Variants in CUL4B observed in about 807,000 individuals in gnomAD.
The protein encoded by CUL4B is cullin-4B.
A neutral mutation model predicts 69.2 loss-of-function variants in CUL4B; 1 was observed. That is an observed-to-expected ratio of 0.01 (90% confidence interval 0.01 to 0.07). The LOEUF is 0.07. Among genes scored for constraint, CUL4B ranks in the 10% least tolerant of loss-of-function variants. The pLI is 1.00. For missense variants in CUL4B, 328 were observed against 638.8 expected, an observed-to-expected ratio of 0.51 and a Z score of 5.24; for synonymous variants, 237 against 223.2, an observed-to-expected ratio of 1.06 and a Z score of -0.55.
Position 120,560,662 on chromosome X carries a change from G to A in CUL4B, c.-24C>T, listed in dbSNP as rs1649597807. On this transcript the variant is annotated 5_prime_UTR_variant, in exon 1 of 20. Coordinates refer to ENST00000371322, the MANE Select transcript of CUL4B (RefSeq NM_001079872.2). ...ATGAAAATAGCGGGGTCAACAGGCA[G>A]AGGAGCATCAAAAACCTACGTTTAT... 8.4e-7 allele frequency: 1 copy of A among 1,197,322 alleles called. No individual in the cohort carries two copies. Among genetic ancestry groups the A allele is most frequent in the Non-Finnish European group, 1.1e-6 (1 of 893,994 alleles).
rs1923920036 is a variant in CUL4B at position 120,540,412 on chromosome X, T to C, written c.1594A>G (p.Thr532Ala). 8.3e-7 allele frequency: 1 copy of C among 1,210,177 alleles called. No individual in the cohort carries two copies. The highest frequency in any genetic ancestry group is 1.1e-6 in the Non-Finnish European group (1 of 894,109). ...FINAMKEAFE[T>A]FINKRPNKPA... Reference sequence around the variant, plus strand: ...TTATTTGGTCTTTTGTTAATGAACGTTTCAAATGCTTCTTTCATGGCATTG... The same window carrying C: ...TTATTTGGTCTTTTGTTAATGAACGCTTCAAATGCTTCTTTCATGGCATTG... The change falls in exon 11 of 20, where the codon ACG becomes GCG. Residue 532 changes from threonine to alanine, a missense_variant. Thr to Ala is a moderately conservative substitution (Grantham distance 58). Coordinates refer to ENST00000371322, the MANE Select transcript of CUL4B (RefSeq NM_001079872.2).
chrX:120,530,870 C>T (rs186122841), intron 18 of CUL4B, among the ~76,000 whole-genome samples: 9 of 112,117 alleles, frequency 8.0e-5, no homozygotes, highest in African/African-American at 2.9e-4. Flanking sequence ...AGTAATTAAA[C>T]CAAAAAAACA....
intron 2 of CUL4B, among the ~76,000 whole-genome samples, chrX:120,555,556 T>C (rs926795383): frequency 1.8e-5 from 2 of 110,878 alleles, no homozygotes; most frequent in Admixed American, 1.9e-4. Flanking sequence ...GAACTAGAAA[T>C]CCAGCATCTC....
chrX:120,536,683 G>C (rs1432117985), intron 15 of CUL4B, among the ~76,000 whole-genome samples: 1 of 111,451 alleles, frequency 9.0e-6, no homozygotes, highest in South Asian at 3.7e-4. Flanking sequence ...GTGTTGGTGC[G>C]CTTACTGACA....
At chrX:120,540,617 A>G (rs1417192078) in intron 10 of CUL4B, 55 bp from the exon 11 acceptor site, 1 of 840,025 alleles carries the variant, frequency 1.2e-6, no homozygotes, top group African/African-American at 2.0e-5. Flanking sequence ...CAATGAAAAC[A>G]ATCCCCAAAT....
At chrX:120,549,251 C>T (rs1331574585) in intron 2 of CUL4B, among the ~76,000 whole-genome samples, 2 of 112,055 alleles carry the variant, frequency 1.8e-5, no homozygotes, top group African/African-American at 6.5e-5. Context: ...GTAAATAAAT[C>T]AGCAAATGAA....
intron 18 of CUL4B, among the ~76,000 whole-genome samples, chrX:120,530,486 A>C (rs931958124): frequency 8.9e-6 from 1 of 112,470 alleles, no homozygotes; most frequent in African/African-American, 3.2e-5. Context: ...TAGTTAATAG[A>C]AAAACATCAT....
Position 120,544,216 on chromosome X carries a change from C to G in CUL4B, c.1084-13G>C, listed in dbSNP as rs1465000506. 9 of 1,085,247 alleles carry G rather than the reference C, an allele frequency of 8.3e-6. No individual in the cohort carries two copies. Among genetic ancestry groups the G allele is most frequent in the Non-Finnish European group, 1.0e-5 (8 of 782,555 alleles). 89.4% of individuals were successfully genotyped at this position (1,085,247 alleles called of 1,213,427 possible). A position where few individuals can be genotyped will look rare whatever the true frequency, so the allele number is the denominator to read the frequency against. On this transcript the variant is annotated splice_polypyrimidine_tract_variant and intron_variant, in intron 6 of 19. Coordinates refer to ENST00000371322, the MANE Select transcript of CUL4B (RefSeq NM_001079872.2). ...AATCTTGATAAATCTGGAGGGGGAA[C>G]AAAATGAAGGAGATCATTTATTTAG...
rs184244822 is a variant in CUL4B at position 120,557,917 on chromosome X, T to C, written c.672+7A>G. On this transcript the variant is annotated splice_region_variant and intron_variant, in intron 2 of 19. Transcript: ENST00000371322. The stretch of plus-strand genomic sequence containing the variant: ...AATCAAATCTGGTTATGCATATTAA[T>C]ACATACCTGGTAGAGTTCTTCTAAA... The C allele has an allele frequency of 1.8e-5, 20 of 1,097,742 alleles. No individual in the cohort carries two copies. Among genetic ancestry groups the C allele is most frequent in the East Asian group, 6.0e-5 (2 of 33,213 alleles). 90.5% of individuals were successfully genotyped at this position (1,097,742 alleles called of 1,213,427 possible). A position where few individuals can be genotyped will look rare whatever the true frequency, so the allele number is the denominator to read the frequency against.
chrX:120,556,029 C>T (rs921907517), intron 2 of CUL4B, among the ~76,000 whole-genome samples: 13 of 108,187 alleles, frequency 1.2e-4, no homozygotes, highest in African/African-American at 2.7e-4. Context: ...TGAGATAATA[C>T]GAGATGAATC....
upstream of CUL4B, among the ~76,000 whole-genome samples, chrX:120,566,023 C>T (rs1373897702): frequency 3.7e-5 from 4 of 108,741 alleles, no homozygotes; most frequent in Admixed American, 1.0e-4. Flanking sequence ...CCACCGCGCC[C>T]GGCCCAGGCA....
chrX:120,555,343 T>C (rs951048313), intron 2 of CUL4B, among the ~76,000 whole-genome samples: 2 of 112,321 alleles, frequency 1.8e-5, no homozygotes, highest in African/African-American at 6.5e-5. Flanking sequence ...AAATTAAATA[T>C]GCTGTATACC....
At position 120,537,005 on chromosome X, in the gene CUL4B, A is replaced by G. The variant is rs3747434; in HGVS notation, c.1968T>C (p.Asn656=). 2.5e-6 allele frequency: 3 copies of G among 1,201,515 alleles called. No homozygotes were observed. In the East Asian group the frequency reaches 8.9e-5, roughly 36 times the overall value. ...TCAGGATATTCACAGTTAACTCAATATTTCCCGGAACATTCTGATTCTGCA... is the reference window on the plus strand; with the variant it reads ...TCAGGATATTCACAGTTAACTCAATGTTTCCCGGAACATTCTGATTCTGCA... ...QYMQNQNVPG[N]IELTVNILTM... The change falls in exon 15 of 20, where the codon AAT becomes AAC. Residue 656 remains asparagine, a synonymous_variant. Transcript: ENST00000371322.
At chrX:120,561,323 C>T (rs756183673), upstream of CUL4B, 62 of 556,837 alleles carry the variant, frequency 1.1e-4, no homozygotes, top group African/African-American at 1.3e-3. Context: ...GGAACTCCCA[C>T]TCCCTCCTTA....
At chrX:120,562,648 C>A (rs1327813312), upstream of CUL4B, among the ~76,000 whole-genome samples, 2 of 111,801 alleles carry the variant, frequency 1.8e-5, no homozygotes, top group East Asian at 5.6e-4. Flanking sequence ...TATGCTGTGT[C>A]TCAAAGTGGG....
intron 18 of CUL4B, 59 bp downstream of exon 18, chrX:120,532,363 T>C: frequency 1.1e-6 from 1 of 930,194 alleles, no homozygotes; most frequent in Admixed American, 2.3e-5. Flanking sequence ...TTTATATATT[T>C]TGATTATTAA....
chrX:120,543,347 G>A (rs970045612), intron 8 of CUL4B, among the ~76,000 whole-genome samples: 9 of 111,314 alleles, frequency 8.1e-5, no homozygotes. Flanking sequence ...TATTAGGAAG[G>A]TAAAGAAGTA....
intron 2 of CUL4B, among the ~76,000 whole-genome samples, chrX:120,548,169 G>A (rs1307515012): frequency 2.7e-5 from 3 of 111,300 alleles, no homozygotes; most frequent in Non-Finnish European, 5.6e-5. Context: ...AGCTATTTAG[G>A]AGGCTGAGGC....
At chrX:120,574,273 C>T (rs1256447410) in intron 2 of CUL4B, among the ~76,000 whole-genome samples, 2 of 110,156 alleles carry the variant, frequency 1.8e-5, no homozygotes, top group Non-Finnish European at 3.8e-5. Context: ...GTGCAGTGGG[C>T]GATCTCGGCT....
Sources: allele counts gnomAD v4.1 joint callset (sites outside exome capture counted in the v4.1 genomes callset), GRCh38; gene constraint gnomAD v4.1.1; transcripts MANE v1.5; gene names NCBI Gene and HGNC (gene_info 2026-07-23, HGNC 2026-07-21).